Variants in MYLIP observed in about 807,000 individuals in gnomAD.
The protein encoded by MYLIP is myosin regulatory light chain interacting protein, also known as E3 ubiquitin-protein ligase MYLIP.
In MYLIP, 26 loss-of-function variants were observed where a neutral mutation model predicts 45.8. That is an observed-to-expected ratio of 0.57 (90% CI 0.42 to 0.79). MYLIP has a LOEUF of 0.79. MYLIP is among the 30% of genes least tolerant of loss of function. The pLI is 0.00. For synonymous variants in MYLIP, 213 were observed against 218.1 expected (o/e 0.98, Z 0.21); for missense variants, 494 against 555.6 (o/e 0.89, Z 1.11).
intron 4 of MYLIP, 92 bp downstream of exon 4, chr6:16,143,309 G>C (rs982835621): frequency 3.9e-6 from 5 of 1,269,480 alleles, no homozygotes; most frequent in Non-Finnish European, 5.7e-6. Flanking sequence ...TTACTCGACA[G>C]TCAGCTCTTA....
chr6:16,156,348 A>G, the MYLIP span, among the ~76,000 whole-genome samples: 1 of 152,290 alleles, frequency 6.6e-6, no homozygotes, highest in African/African-American at 2.4e-5. Flanking sequence ...TCCTGTCCCT[A>G]TCAACGGTAA....
the MYLIP span, among the ~76,000 whole-genome samples, chr6:16,156,292 A>G: frequency 6.6e-6 from 1 of 152,312 alleles, no homozygotes; most frequent in African/African-American, 2.4e-5. Context: ...TTGAGGGTGG[A>G]GCCCTCACCA....
At chr6:16,150,497 G>A (rs751825392), downstream of MYLIP, among the ~76,000 whole-genome samples, 7 of 152,170 alleles carry the variant, frequency 4.6e-5, no homozygotes, top group Non-Finnish European at 8.8e-5. Flanking sequence ...TTGACTTTGG[G>A]TTTTAAATAG....
At position 16,141,722 on chromosome 6, in the gene MYLIP, A is replaced by G. The variant is rs565497429; in HGVS notation, c.376A>G (p.Thr126Ala). ...AVELSALLAQ[T>A]KFGDYNQNTA... Reference sequence around the variant, plus strand: ...GGAACTCAGTGCCCTCCTGGCCCAGACCAAGTTTGGAGACTACAACCAGAA... The same window carrying G: ...GGAACTCAGTGCCCTCCTGGCCCAGGCCAAGTTTGGAGACTACAACCAGAA... The change falls in exon 3 of 7, where the codon ACC (threonine) becomes GCC (alanine). Residue 126 changes from threonine to alanine, a missense_variant. By Grantham distance (58) the Thr-to-Ala change is moderately conservative (BLOSUM62 0). Transcript: ENST00000356840. 1 of 1,614,060 alleles carries G rather than the reference A, an allele frequency of 6.2e-7. No homozygotes were observed. The highest frequency in any genetic ancestry group is 8.5e-7 in the Non-Finnish European group (1 of 1,180,024).
intron 2 of MYLIP, among the ~76,000 whole-genome samples, chr6:16,131,724 AAG>A (rs1446439154): frequency 6.6e-6 from 1 of 152,248 alleles, no homozygotes; most frequent in Non-Finnish European, 1.5e-5. Flanking sequence ...ATTATCCTTT[AAG>A]AGTTTTTTAC....
At chr6:16,134,969 A>AT (rs1759521804) in intron 2 of MYLIP, among the ~76,000 whole-genome samples, 1 of 152,120 alleles carries the variant, frequency 6.6e-6, no homozygotes, top group African/African-American at 2.4e-5. Flanking sequence ...AAATCTGAGC[A>AT]TTTAGAAGGC....
the MYLIP span, among the ~76,000 whole-genome samples, chr6:16,153,349 T>C: frequency 6.6e-6 from 1 of 152,232 alleles, no homozygotes; most frequent in Non-Finnish European, 1.5e-5. Flanking sequence ...GGTTAGAACA[T>C]GCTGCCTTTC....
At chr6:16,157,688 C>T in the MYLIP span, among the ~76,000 whole-genome samples, 2 of 152,244 alleles carry the variant, frequency 1.3e-5, no homozygotes, top group Non-Finnish European at 2.9e-5. Context: ...TGGCTATGTA[C>T]ATCTCCTCTG....
At position 16,143,194 on chromosome 6, in the gene MYLIP, A is replaced by G. The variant is rs1250592098; in HGVS notation, c.639A>G (p.Lys213=). 1 of 1,614,234 alleles carries G rather than the reference A, an allele frequency of 6.2e-7. No individual in the cohort carries two copies. The highest frequency in any genetic ancestry group is 1.7e-5 in the Admixed American group (1 of 60,030). Residue 213 remains lysine, a synonymous_variant, in exon 4 of 7, where the codon AAA becomes AAG. Coordinates refer to ENST00000356840, the MANE Select transcript of MYLIP (RefSeq NM_013262.4). ...GACCTGAAGGAATCTCAATTTGTAA[A>G]GATGACTTTAGCCCAATTAATAGGT... ...GVGPEGISIC[K]DDFSPINRIA... is the part of the protein sequence containing the mutation.
Position 16,145,306 on chromosome 6 carries a change from G to A in MYLIP, c.1237G>A (p.Ala413Thr), listed in dbSNP as rs531259441. ...CACTGTGTGCTGTGAGAGCTGCGCC[G>A]CCCAGCTACAGGTAGGGGAGTCAGC... ...GHTVCCESCA[A>T]QLQSCPVCRS... is the part of the protein sequence containing the mutation. The change falls in exon 6 of 7, where the codon GCC becomes ACC. Residue 413 changes from alanine to threonine, a missense_variant. Coordinates refer to ENST00000356840, the MANE Select transcript of MYLIP (RefSeq NM_013262.4). 217 of 1,587,194 alleles carry A rather than the reference G, an allele frequency of 1.4e-4. 1 individual carries two copies. Among genetic ancestry groups the A allele is most frequent in the Non-Finnish European group, 1.7e-4 (203 of 1,162,148 alleles).
At chr6:16,143,345 G>T in intron 4 of MYLIP, 128 bp downstream of exon 4, 1 of 950,512 alleles carries the variant, frequency 1.1e-6, no homozygotes, top group South Asian at 1.6e-5. Context: ...ATTTTGGTAT[G>T]TACATTAATT....
rs1270280227 is a variant in MYLIP, at chr6:16,147,750, G to T, written c.*999G>T. ...TGGTGTCCTTTTCTGTTTTTGGGGG[G>T]GGAGTTTTGTTGTGTTTTTTTAAAG... On this transcript the variant is annotated 3_prime_UTR_variant, in exon 7 of 7. Coordinates refer to ENST00000356840, the MANE Select transcript of MYLIP (RefSeq NM_013262.4). The T allele has an allele frequency of 6.6e-6, 1 of 152,562 alleles. No homozygotes were observed. The highest frequency in any genetic ancestry group is 1.5e-5 in the Non-Finnish European group (1 of 68,056). The allele number at this position is 152,562 out of a possible 1,614,324, so 9.5% of individuals were successfully genotyped here. A position where few individuals can be genotyped will look rare whatever the true frequency, so the allele number is the denominator to read the frequency against.
At chr6:16,158,296 G>A in the MYLIP span, among the ~76,000 whole-genome samples, 2 of 152,220 alleles carry the variant, frequency 1.3e-5, no homozygotes, top group African/African-American at 4.8e-5. Flanking sequence ...TCAGTCGTTT[G>A]GTCCGAAAAG....
the MYLIP span, among the ~76,000 whole-genome samples, chr6:16,162,623 G>T: frequency 6.6e-6 from 1 of 151,826 alleles, no homozygotes; most frequent in Non-Finnish European, 1.5e-5. Context: ...GATATATCCA[G>T]AGGATTTTTA....
At chr6:16,161,684 T>TA in the MYLIP span, among the ~76,000 whole-genome samples, 1 of 152,232 alleles carries the variant, frequency 6.6e-6, no homozygotes, top group Non-Finnish European at 1.5e-5. Context: ...TAAATACTGT[T>TA]AGAGTTTCAT....
chr6:16,133,997 C>T (rs1329164525), intron 2 of MYLIP, among the ~76,000 whole-genome samples: 3 of 152,144 alleles, frequency 2.0e-5, no homozygotes, highest in African/African-American at 2.4e-5. Flanking sequence ...TAAATCTGTC[C>T]TACCTTTCTG....
At position 16,129,618 on chromosome 6, in the gene MYLIP, G is replaced by T. The variant is rs1268729958; in HGVS notation, c.87+209G>T. On this transcript the variant is annotated intron_variant, in intron 1 of 6. Transcript: ENST00000356840. This position sits in a 1 kb window ranked among gnomAD's most constrained non-coding sequence, Gnocchi z 5.1. ...GGGTGCGCGGAGAAAGCGCGCAGCG[G>T]GGGTCCCCAGCGCTGAGGGCCGGGC... is the stretch of plus-strand genomic sequence containing the variant. Among the ~76,000 whole-genome samples, 1 of 152,182 alleles carries T rather than the reference G, an allele frequency of 6.6e-6. No individual in the cohort carries two copies. Among genetic ancestry groups the T allele is most frequent in the Admixed American group, 6.5e-5 (1 of 15,282 alleles).
intron 5 of MYLIP, among the ~76,000 whole-genome samples, chr6:16,144,243 T>G (rs368193746): frequency 7.9e-5 from 12 of 152,268 alleles, no homozygotes; most frequent in African/African-American, 2.9e-4. Flanking sequence ...TTACTTAGTC[T>G]AGGACTCAGC....
Position 16,130,942 on chromosome 6 carries a change from C to G in MYLIP, c.278+195C>G, listed in dbSNP as rs146183634. On this transcript the variant is annotated intron_variant, in intron 2 of 6. Transcript: ENST00000356840. Reference sequence around the variant, plus strand: ...ACTTGGTCTGAGTGCATTTTCCAATCCTTCTTTTAGTTTTTCTTGTCTTTA... The same window carrying G: ...ACTTGGTCTGAGTGCATTTTCCAATGCTTCTTTTAGTTTTTCTTGTCTTTA... 1.1e-4 allele frequency among the ~76,000 whole-genome samples: 16 copies of G among 150,238 alleles called. No homozygotes were observed. In the East Asian group the frequency reaches 2.8e-3, roughly 26 times the overall value.
Sources: gnomAD v4.1 joint callset for allele counts (sites outside exome capture counted in the v4.1 genomes callset) on GRCh38, gnomAD v4.1.1 for gene constraint, Gnocchi (gnomAD v3.1) non-coding constraint, MANE v1.5 for transcripts, NCBI Gene and HGNC (gene_info 2026-07-23, HGNC 2026-07-21) for gene names.